MGAT5: variants seen among roughly 807,000 people sequenced by gnomAD.
MGAT5 encodes the protein alpha-1,6-mannosylglycoprotein 6-beta-N-acetylglucosaminyltransferase.
MGAT5 carries 30 observed loss-of-function variants against 94.3 expected under a neutral mutation model. The ratio of observed to expected loss-of-function variants is 0.32; its 90% CI spans 0.24 to 0.43. The LOEUF is 0.43. Ranked by LOEUF, MGAT5 falls within the 20% of genes least tolerant of loss-of-function variation. The probability of loss-of-function intolerance (pLI) is 1.00; values close to 1 mark genes in which losing one functional copy is unlikely to be tolerated. For missense variants in MGAT5, 691 were observed against 905.5 expected (o/e 0.76, Z 3.04); for synonymous variants, 310 against 322.9 (o/e 0.96, Z 0.43).
At chr2:134,369,668 G>A (rs1020642901) in intron 10 of MGAT5, among the ~76,000 whole-genome samples, 4 of 151,592 alleles carry the variant, frequency 2.6e-5, no homozygotes, top group Admixed American at 6.6e-5. Flanking sequence ...GGAGGGGAGA[G>A]GAGGAGAGAT....
intron 10 of MGAT5, among the ~76,000 whole-genome samples, chr2:134,375,602 C>A (rs918142633): frequency 1.2e-4 from 19 of 152,178 alleles, no homozygotes; most frequent in Non-Finnish European, 2.5e-4. Context: ...AACTTACTTG[C>A]GTATCAGGAC....
chr2:134,362,230 T>TG (rs1177431926), intron 9 of MGAT5, 45 bp from the exon 10 acceptor site: 2 of 1,592,546 alleles, frequency 1.3e-6, no homozygotes, highest in Non-Finnish European at 1.7e-6. Flanking sequence ...TATTTCTTCT[T>TG]GCTGATTGGA....
At chr2:134,262,237 ATTTTG>A (rs1369096378) in intron 1 of MGAT5, among the ~76,000 whole-genome samples, 2 of 151,614 alleles carry the variant, frequency 1.3e-5, no homozygotes, top group African/African-American at 2.4e-5. Flanking sequence ...TTTTTGTTTT[ATTTTG>A]TTTTGTTTTG....
At chr2:134,153,824 T>C (rs779820620) in intron 1 of MGAT5, among the ~76,000 whole-genome samples, 16 of 152,146 alleles carry the variant, frequency 1.1e-4, no homozygotes, top group Non-Finnish European at 1.9e-4. Flanking sequence ...ATATTAACTC[T>C]TGCTTATGGT....
At chr2:134,179,359 A>G (rs1262387957) in intron 1 of MGAT5, among the ~76,000 whole-genome samples, 1 of 152,192 alleles carries the variant, frequency 6.6e-6, no homozygotes, top group Non-Finnish European at 1.5e-5. Flanking sequence ...CTGTGATTTC[A>G]GTGTTAAAGA....
upstream of MGAT5, among the ~76,000 whole-genome samples, chr2:134,252,847 C>A (rs1281897706): frequency 2.0e-5 from 3 of 152,076 alleles, no homozygotes; most frequent in Non-Finnish European, 4.4e-5. Context: ...GAAGGTGGGG[C>A]ATGGTTTAAT....
intron 1 of MGAT5, among the ~76,000 whole-genome samples, chr2:134,244,475 C>T (rs1315804020): frequency 6.6e-6 from 1 of 152,176 alleles, no homozygotes; most frequent in East Asian, 1.9e-4. Flanking sequence ...GATTCTCAGT[C>T]AGTGCCCAGA....
At chr2:134,129,433 G>A (rs1219409098) in intron 1 of MGAT5, among the ~76,000 whole-genome samples, 4 of 152,172 alleles carry the variant, frequency 2.6e-5, no homozygotes, top group East Asian at 1.9e-4. Context: ...CACAGGTTCC[G>A]GGGATTAGTA....
At chr2:134,220,896 T>C (rs1259886137) in intron 1 of MGAT5, among the ~76,000 whole-genome samples, 1 of 152,192 alleles carries the variant, frequency 6.6e-6, no homozygotes, top group Non-Finnish European at 1.5e-5. Flanking sequence ...CGCATTTGTT[T>C]TTCACCTCAG....
chr2:134,198,526 C>G (rs1679609947), intron 1 of MGAT5, among the ~76,000 whole-genome samples: 1 of 152,200 alleles, frequency 6.6e-6, no homozygotes. Context: ...GGGCATTGTG[C>G]TACAAAGCAG....
intron 1 of MGAT5, among the ~76,000 whole-genome samples, chr2:134,120,472 C>T (rs1364395420): frequency 6.6e-6 from 1 of 151,736 alleles, no homozygotes; most frequent in Non-Finnish European, 1.5e-5. Context: ...CGTGGGTGCC[C>T]CGGCCCCGGC....
chr2:134,354,343 A>G (rs140059052), intron 9 of MGAT5, among the ~76,000 whole-genome samples: 1 of 152,282 alleles, frequency 6.6e-6, no homozygotes, highest in Non-Finnish European at 1.5e-5. Context: ...GCTGCCTTAT[A>G]GTAAGATGTA....
At chr2:134,395,271 C>T (rs902971131) in intron 10 of MGAT5, among the ~76,000 whole-genome samples, 13 of 152,224 alleles carry the variant, frequency 8.5e-5, no homozygotes, top group Non-Finnish European at 1.5e-4. Flanking sequence ...CAAAGGGTTT[C>T]TTGTTTTCAT....
At chr2:134,398,154 A>G (rs1010543043) in intron 10 of MGAT5, among the ~76,000 whole-genome samples, 1 of 152,208 alleles carries the variant, frequency 6.6e-6, no homozygotes, top group Non-Finnish European at 1.5e-5. Flanking sequence ...CAAATACTTA[A>G]CTGGTTGAAC....
At chr2:134,258,042 T>A (rs1683089234) in intron 1 of MGAT5, among the ~76,000 whole-genome samples, 2 of 152,044 alleles carry the variant, frequency 1.3e-5, no homozygotes, top group South Asian at 4.2e-4. Context: ...GGGTATACAG[T>A]AGGTATTTGA....
chr2:134,450,465 G>A lies in MGAT5; in HGVS notation c.*1618G>A, dbSNP rs936971583. On this transcript the variant is annotated 3_prime_UTR_variant, in exon 16 of 16. Transcript: ENST00000281923. Reference sequence around the variant, plus strand: ...CTTCATGGGGACTAGAGTTAGTGTGGGGCCTTTAAGTCTGGGAAGTTACAT... The same window carrying A: ...CTTCATGGGGACTAGAGTTAGTGTGAGGCCTTTAAGTCTGGGAAGTTACAT... 1 of 152,226 alleles carries A rather than the reference G, an allele frequency of 6.6e-6. No individual in the cohort carries two copies. Among genetic ancestry groups the A allele is most frequent in the African/African-American group, 2.4e-5 (1 of 41,464 alleles). The allele number at this position is 152,226 out of a possible 1,614,324, so 9.4% of individuals were successfully genotyped here.
intron 1 of MGAT5, among the ~76,000 whole-genome samples, chr2:134,255,376 C>T (rs921409188): frequency 2.0e-4 from 31 of 151,570 alleles, no homozygotes; most frequent in Admixed American, 2.0e-3. Context: ...AAAAAAATTA[C>T]ACATAAGTCT....
intron 2 of MGAT5, among the ~76,000 whole-genome samples, chr2:134,313,406 A>G (rs1686814281): frequency 6.6e-6 from 1 of 152,192 alleles, no homozygotes; most frequent in Non-Finnish European, 1.5e-5. Flanking sequence ...TGACTGATAA[A>G]GCAACAGAAT....
intron 1 of MGAT5, among the ~76,000 whole-genome samples, chr2:134,194,119 A>G (rs1679379265): frequency 6.6e-6 from 1 of 152,186 alleles, no homozygotes; most frequent in Admixed American, 6.5e-5. Context: ...TTTTCTCTCC[A>G]TCTTTCTATT....
Sources: allele counts gnomAD v4.1 joint callset (sites outside exome capture counted in the v4.1 genomes callset), GRCh38; gene constraint gnomAD v4.1.1; transcripts MANE v1.5; gene names NCBI Gene and HGNC (gene_info 2026-07-23, HGNC 2026-07-21).